The following WDR70 variants were observed in gnomAD, a reference collection of about 807,000 sequenced individuals.
The protein encoded by WDR70 is WD repeat-containing protein 70.
In WDR70, 53 loss-of-function variants were observed where a neutral mutation model predicts 88.6. The observed-to-expected ratio is 0.60, with a 90% confidence interval of 0.48 to 0.75. The LOEUF is 0.75. Ranked by LOEUF, WDR70 falls within the 30% of genes least tolerant of loss-of-function variation. The pLI is 0.00. For missense variants in WDR70, 610 were observed against 823.2 expected, an observed-to-expected ratio of 0.74 and a Z score of 3.17; for synonymous variants, 280 against 270.0, an observed-to-expected ratio of 1.04 and a Z score of -0.36.
At chr5:37,691,793 T>G (rs1561073843) in intron 10 of WDR70, among the ~76,000 whole-genome samples, 1 of 151,978 alleles carries the variant, frequency 6.6e-6, no homozygotes, top group Non-Finnish European at 1.5e-5. Flanking sequence ...ACATCACAAT[T>G]AAAAGAACTA....
Position 37,493,831 on chromosome 5 carries a change from C to CT in WDR70, c.840+13861dup, listed in dbSNP as rs34976552. Reference sequence around the variant, plus strand: ...AGCTTTTGGGTAGGAGGAAGGAATACTTTTTTTTTTTTTTTTTGAGATGGA... The same window carrying CT: ...AGCTTTTGGGTAGGAGGAAGGAATACTTTTTTTTTTTTTTTTTTGAGATGGA... On this transcript the variant is annotated intron_variant, in intron 8 of 17. Coordinates refer to ENST00000265107, the MANE Select transcript of WDR70 (RefSeq NM_018034.4). 3.8e-3 allele frequency among the ~76,000 whole-genome samples: 534 copies of CT among 140,814 alleles called. 3 individuals carry two copies. The highest frequency in any genetic ancestry group is 0.011 in the African/African-American group (435 of 38,398). 92.4% of individuals were successfully genotyped at this position (140,814 alleles called of 152,430 possible).
At chr5:37,678,708 T>C (rs1417183721) in intron 10 of WDR70, among the ~76,000 whole-genome samples, 1 of 152,222 alleles carries the variant, frequency 6.6e-6, no homozygotes, top group Non-Finnish European at 1.5e-5. Context: ...CAATTATGTG[T>C]CTTGGAGTTG....
chr5:37,655,988 G>A (rs981111773), intron 10 of WDR70, among the ~76,000 whole-genome samples: 1 of 151,950 alleles, frequency 6.6e-6, no homozygotes, highest in Non-Finnish European at 1.5e-5. Context: ...TTGCTGGCGA[G>A]GAGTTGTGAT....
At position 37,438,061 on chromosome 5, in the gene WDR70, A is replaced by G. The variant is rs1051450842; in HGVS notation, c.552+80A>G. The G allele has an allele frequency of 2.1e-5, 25 of 1,168,156 alleles. No individual in the cohort carries two copies. The African/African-American group carries it at 3.4e-4, about 16-fold the overall frequency. 72.4% of individuals were successfully genotyped at this position (1,168,156 alleles called of 1,614,324 possible). A position where few individuals can be genotyped will look rare whatever the true frequency, so the allele number is the denominator to read the frequency against. ...AAGTGAACTGATAAGATACATTTGTATTAAGGCTAATTATACAATCAACTG... is the reference window on the plus strand; with the variant it reads ...AAGTGAACTGATAAGATACATTTGTGTTAAGGCTAATTATACAATCAACTG... On this transcript the variant is annotated intron_variant, in intron 6 of 17. Transcript: ENST00000265107.
chr5:37,394,792 A>G (rs1748959100), intron 4 of WDR70, among the ~76,000 whole-genome samples: 1 of 152,176 alleles, frequency 6.6e-6, no homozygotes, highest in Non-Finnish European at 1.5e-5. Flanking sequence ...TAACCTGTTC[A>G]ATTAGAAAGA....
At chr5:37,560,943 C>G (rs1742486350) in intron 9 of WDR70, among the ~76,000 whole-genome samples, 1 of 151,484 alleles carries the variant, frequency 6.6e-6, no homozygotes, top group Admixed American at 6.6e-5. Flanking sequence ...TCTTGAGAAG[C>G]TAGGACTATA....
intron 10 of WDR70, among the ~76,000 whole-genome samples, chr5:37,631,696 AG>A (rs1237099564): frequency 6.6e-6 from 1 of 152,128 alleles, no homozygotes; most frequent in Non-Finnish European, 1.5e-5. Context: ...CAACATCTCT[AG>A]GGCCTCTCAG....
chr5:37,525,848 T>C (rs1741251187), intron 9 of WDR70, among the ~76,000 whole-genome samples: 2 of 152,104 alleles, frequency 1.3e-5, no homozygotes, highest in Non-Finnish European at 2.9e-5. Flanking sequence ...GAGAATACTA[T>C]AAACACCTCT....
intron 7 of WDR70, among the ~76,000 whole-genome samples, chr5:37,459,130 A>C (rs1738919737): frequency 1.7e-5 from 1 of 57,748 alleles, no homozygotes; most frequent in African/African-American, 6.2e-5. Flanking sequence ...CATGTAGTTG[A>C]GCGGCTTTGA....
chr5:37,603,331 C>G (rs975131140), intron 9 of WDR70, among the ~76,000 whole-genome samples: 6 of 152,228 alleles, frequency 3.9e-5, no homozygotes, highest in African/African-American at 9.6e-5. Context: ...TACTTACAGC[C>G]AATTGATTTT....
chr5:37,461,742 C>CT (rs35426408), intron 7 of WDR70, among the ~76,000 whole-genome samples: 39,511 of 151,930 alleles, frequency 0.26, 5,729 homozygotes, highest in East Asian at 0.48. Context: ...CTCGGCCTCC[C>CT]AAAGTGCTGG....
At chr5:37,687,270 A>C (rs1372699182) in intron 10 of WDR70, among the ~76,000 whole-genome samples, 1 of 152,148 alleles carries the variant, frequency 6.6e-6, no homozygotes, top group Admixed American at 6.5e-5. Context: ...TTAATAATTG[A>C]AGAGCACTTT....
chr5:37,541,039 A>G (rs1437873707), intron 9 of WDR70, among the ~76,000 whole-genome samples: 6 of 152,244 alleles, frequency 3.9e-5, no homozygotes, highest in Non-Finnish European at 8.8e-5. Context: ...AACACCTTCT[A>G]TGTGTAAGTA....
At chr5:37,513,343 GA>G (rs1222035345) in intron 8 of WDR70, among the ~76,000 whole-genome samples, 2 of 152,248 alleles carry the variant, frequency 1.3e-5, no homozygotes, top group East Asian at 3.9e-4. Flanking sequence ...TGAGAAAGTG[GA>G]AAAAAGAGCT....
intron 10 of WDR70, among the ~76,000 whole-genome samples, chr5:37,695,484 C>G (rs1160371929): frequency 2.6e-5 from 4 of 152,150 alleles, no homozygotes; most frequent in Non-Finnish European, 5.9e-5. Context: ...GCTGGATTCT[C>G]TTCTCAGGGT....
intron 9 of WDR70, among the ~76,000 whole-genome samples, chr5:37,562,904 C>T (rs577947419): frequency 6.6e-6 from 1 of 151,516 alleles, no homozygotes. Context: ...ACCTTTCCCC[C>T]CTTTCTATTC....
At chr5:37,451,738 G>A (rs1354933122) in intron 7 of WDR70, among the ~76,000 whole-genome samples, 2 of 152,218 alleles carry the variant, frequency 1.3e-5, no homozygotes, top group African/African-American at 4.8e-5. Flanking sequence ...GCTCACGGCT[G>A]TAATCCCCGC....
intron 13 of WDR70, 54 bp from the exon 14 acceptor site, chr5:37,721,061 T>C (rs1259527927): frequency 1.4e-5 from 21 of 1,485,130 alleles, no homozygotes; most frequent in Non-Finnish European, 2.0e-5. Flanking sequence ...CCAGCAGGAT[T>C]GTTTCCATTT....
intron 5 of WDR70, among the ~76,000 whole-genome samples, chr5:37,418,782 A>G (rs1346986364): frequency 6.6e-6 from 1 of 151,646 alleles, no homozygotes; most frequent in African/African-American, 2.4e-5. Flanking sequence ...TCCTTTTGAA[A>G]TGGAGTCTCT....
Sources: allele counts gnomAD v4.1 joint callset (sites outside exome capture counted in the v4.1 genomes callset), GRCh38; gene constraint gnomAD v4.1.1; transcripts MANE v1.5; gene names NCBI Gene and HGNC (gene_info 2026-07-23, HGNC 2026-07-21).